The following FBXO39 variants were observed in gnomAD, a reference collection of about 807,000 sequenced individuals.
FBXO39 encodes F-box protein 39, also known as F-box only protein 39.
A neutral mutation model predicts 36.6 loss-of-function variants in FBXO39; 22 were observed. The ratio of observed to expected loss-of-function variants is 0.60; its 90% CI spans 0.43 to 0.86. The LOEUF (loss-of-function observed/expected upper bound fraction) is 0.86. Among genes scored for constraint, FBXO39 ranks in the 40% least tolerant of loss-of-function variants. The pLI, the probability that FBXO39 is intolerant of heterozygous loss-of-function variation, is 0.00. For synonymous variants in FBXO39, 206 were observed against 205.8 expected, an observed-to-expected ratio of 1.00 and a Z score of -0.01; for missense variants, 536 against 543.9, an observed-to-expected ratio of 0.99 and a Z score of 0.14.
chr17:6,780,485 A>G lies in FBXO39; in HGVS notation c.617A>G (p.His206Arg). Residue 206 changes from histidine (H) to arginine (R), a missense_variant, in exon 2 of 4, where the codon CAT (histidine) becomes CGT (arginine). Transcript: ENST00000321535. ...SELNIEDYFS[H>R]HLAVYNSPQF... ...CTCAACATCGAGGACTATTTCAGCC[A>G]TCACCTTGCTGTCTACAACAGCCCC... is the stretch of plus-strand genomic sequence containing the variant. 1 of 1,614,182 alleles carries G rather than the reference A, an allele frequency of 6.2e-7. No individual in the cohort carries two copies. The highest frequency in any genetic ancestry group is 8.5e-7 in the Non-Finnish European group (1 of 1,180,034).
At chr17:6,776,917 G>A (rs1031729948) in intron 1 of FBXO39, among the ~76,000 whole-genome samples, 1 of 151,896 alleles carries the variant, frequency 6.6e-6, no homozygotes. Flanking sequence ...GCCTCTGATG[G>A]GGTCTCGGGG....
intron 2 of FBXO39, 60 bp downstream of exon 2, chr17:6,780,951 C>A: frequency 6.7e-7 from 1 of 1,502,802 alleles, no homozygotes; most frequent in Non-Finnish European, 9.0e-7. Flanking sequence ...CAGAAGAAAG[C>A]CCACTGCTGC....
Position 6,780,882 on chromosome 17 carries a change from C to T in FBXO39, c.1014C>T (p.His338=), listed in dbSNP as rs1221424175. ...TLIDLLPTFR[H]TLQKLTCEFN... ...TAGATCTCCTGCCCACCTTCCGGCA[C>T]ACTCTGCAGGTAGGTAGGACTTGTG... The change falls in exon 2 of 4, where the codon CAC becomes CAT. Residue 338 remains histidine, a synonymous_variant. Coordinates refer to ENST00000321535, the MANE Select transcript of FBXO39 (RefSeq NM_153230.3). 1.2e-6 allele frequency: 2 copies of T among 1,610,896 alleles called. No homozygotes were observed. The highest frequency in any genetic ancestry group is 1.7e-6 in the Non-Finnish European group (2 of 1,179,574).
chr17:6,777,911 A>C (rs1597773519), intron 1 of FBXO39, among the ~76,000 whole-genome samples: 2 of 152,186 alleles, frequency 1.3e-5, no homozygotes, highest in Admixed American at 1.3e-4. Flanking sequence ...TGGCGGTGGG[A>C]AGGCCAGCTG....
intron 1 of FBXO39, among the ~76,000 whole-genome samples, chr17:6,777,771 G>A (rs1300945461): frequency 6.6e-6 from 1 of 152,210 alleles, no homozygotes; most frequent in Non-Finnish European, 1.5e-5. Flanking sequence ...TATACAAAGA[G>A]GGGCACTGGC....
At position 6,786,824 on chromosome 17, in the gene FBXO39, G is replaced by A; in HGVS notation, c.1068G>A (p.Glu356=). 1 of 1,612,658 alleles carries A rather than the reference G, an allele frequency of 6.2e-7. No individual in the cohort carries two copies. ...ACAACAACCATGAGTCACTCGACGA[G>A]GAGCTGCACCTCCTCATCATATCCT... ...EFNNNHESLD[E]ELHLLIISCR... is the part of the protein sequence containing the mutation. The change falls in exon 3 of 4, where the codon GAG becomes GAA. Residue 356 remains glutamate (E), a synonymous_variant. Coordinates refer to ENST00000321535, the MANE Select transcript of FBXO39 (RefSeq NM_153230.3).
chr17:6,778,583 G>A (rs1976462718), intron 1 of FBXO39, among the ~76,000 whole-genome samples: 2 of 152,132 alleles, frequency 1.3e-5, no homozygotes, highest in South Asian at 2.1e-4. Flanking sequence ...ACAATTTTAT[G>A]AGCCATGATC....
rs772690535 is a variant in FBXO39, at chr17:6,780,677, G to A, written c.809G>A (p.Gly270Asp). ...GACCCCCACGGACAGGTCATCTGGG[G>A]TATGTCCTGGGCCAAGCTGGCCAGG... ...VHDPHGQVIW[G>D]MSWAKLARQA... Residue 270 changes from glycine (G) to aspartate (D), a missense_variant, in exon 2 of 4, where the codon GGT becomes GAT. By Grantham distance (94) the Gly-to-Asp change is moderately conservative. Transcript: ENST00000321535. 3 of 1,614,148 alleles carry A rather than the reference G, an allele frequency of 1.9e-6. No homozygotes were observed. The South Asian group carries it at 3.3e-5, about 18-fold the overall frequency.
Position 6,784,929 on chromosome 17 carries a change from A to ATATATATATATGTGTG in FBXO39, c.1024-1850_1024-1849insATATATATATGTGTGT, listed in dbSNP as rs1491434533. 4.6e-4 allele frequency among the ~76,000 whole-genome samples: 62 copies of ATATATATATATGTGTG among 136,138 alleles called. 1 individual carries two copies. Among genetic ancestry groups the ATATATATATATGTGTG allele is most frequent in the African/African-American group, 1.6e-3 (51 of 32,372 alleles). The allele number at this position is 136,138 out of a possible 152,430, so 89.3% of individuals were successfully genotyped here. On this transcript the variant is annotated intron_variant, in intron 2 of 3. Transcript: ENST00000321535. The stretch of plus-strand genomic sequence containing the variant: ...AAGAATCTTAAATTTATATATATAT[A>ATATATATATATGTGTG]TGTGTGTGTGTGTGTGTGTGTGTGT...
Position 6,787,630 on chromosome 17 carries a change from G to A in FBXO39, c.*202G>A, listed in dbSNP as rs564000534. 3.6e-5 allele frequency: 17 copies of A among 478,700 alleles called. No individual in the cohort carries two copies. Among genetic ancestry groups the A allele is most frequent in the Non-Finnish European group, 5.5e-5 (15 of 270,436 alleles). 29.7% of individuals were successfully genotyped at this position (478,700 alleles called of 1,614,324 possible). A position where few individuals can be genotyped will look rare whatever the true frequency, so the allele number is the denominator to read the frequency against. ...TGAAGGCTCCAGGTGGCTTTAAAGC[G>A]CTATGTTTACCAACTATCCCGGTGT... On this transcript the variant is annotated 3_prime_UTR_variant, in exon 4 of 4. Transcript: ENST00000321535.
At chr17:6,785,332 T>C (rs1390184416) in intron 2 of FBXO39, among the ~76,000 whole-genome samples, 2 of 152,106 alleles carry the variant, frequency 1.3e-5, no homozygotes, top group African/African-American at 2.4e-5. Context: ...TTGCCATATA[T>C]GAAAATCAAA....
chr17:6,779,044 GGGGTT>G (rs1261436036), intron 1 of FBXO39, among the ~76,000 whole-genome samples: 1 of 152,040 alleles, frequency 6.6e-6, no homozygotes, highest in Non-Finnish European at 1.5e-5. Context: ...GACCTCAGCT[GGGGTT>G]TTCCACCCTG....
rs201661413 is a variant in FBXO39, at chr17:6,780,632, A to C, written c.764A>C (p.Asn255Thr). The C allele has an allele frequency of 2.4e-5, 39 of 1,614,048 alleles. No homozygotes were observed. In the East Asian group the frequency reaches 8.7e-4, roughly 36 times the overall value. The change falls in exon 2 of 4, where the codon AAC (asparagine) becomes ACC (threonine). Residue 255 changes from asparagine to threonine, a missense_variant. Asn to Thr is a moderately conservative substitution (Grantham distance 65). Transcript: ENST00000321535. ...AATGCCAGCACCCTCCGGACCATCA[A>C]CATCAAATGCCACGTTCATGACCCC... The part of the protein sequence containing the change: ...CENASTLRTI[N>T]IKCHVHDPHG...
At chr17:6,783,247 T>G (rs8081984) in intron 2 of FBXO39, among the ~76,000 whole-genome samples, 23,604 of 152,038 alleles carry the variant, frequency 0.16, 2,032 homozygotes, top group African/African-American at 0.18. Flanking sequence ...TACCAAAACC[T>G]GTGGGATACA....
intron 3 of FBXO39, 111 bp downstream of exon 3, chr17:6,787,067 A>G: frequency 7.3e-7 from 1 of 1,376,532 alleles, no homozygotes; most frequent in Non-Finnish European, 9.9e-7. Context: ...TCATCTGTTC[A>G]TTGAAAATCA....
chr17:6,787,312 A>C lies in FBXO39; in HGVS notation c.1213A>C (p.Thr405Pro). 1 of 1,613,932 alleles carries C rather than the reference A, an allele frequency of 6.2e-7. No homozygotes were observed. Among genetic ancestry groups the C allele is most frequent in the Non-Finnish European group, 8.5e-7 (1 of 1,179,916 alleles). ...TCTGTTGGCACAGGCGAGAATTTAT[A>C]CAAACAGATATGAGACGAATGAAGA... is the stretch of plus-strand genomic sequence containing the variant. Reference protein sequence around the residue: ...ALRVFKARIYTNRYETNEEDK... With the variant: ...ALRVFKARIYPNRYETNEEDK... The change falls in exon 4 of 4, where the codon ACA becomes CCA. Residue 405 changes from threonine (T) to proline (P), a missense_variant. Transcript: ENST00000321535.
chr17:6,779,486 G>T (rs1307674680), intron 1 of FBXO39, among the ~76,000 whole-genome samples: 4 of 152,194 alleles, frequency 2.6e-5, no homozygotes, highest in Admixed American at 6.5e-5. Context: ...CCTCTGAGCA[G>T]CCCTCTCTAC....
chr17:6,780,316 A>G lies in FBXO39; in HGVS notation c.448A>G (p.Ile150Val). The G allele has an allele frequency of 1.2e-6, 2 of 1,614,142 alleles. No homozygotes were observed. The highest frequency in any genetic ancestry group is 2.2e-5 in the South Asian group (2 of 91,086). ...VWRNSIRSSF[I>V]SSLSFFLKKM... ...GAGGAACAGCATCAGGAGCTCATTC[A>G]TCAGCAGCTTGAGCTTCTTCTTAAA... The change falls in exon 2 of 4, where the codon ATC (isoleucine) becomes GTC (valine). Residue 150 changes from isoleucine to valine, a missense_variant. Transcript: ENST00000321535.
intron 2 of FBXO39, among the ~76,000 whole-genome samples, chr17:6,782,017 AG>A (rs1447110779): frequency 6.6e-6 from 1 of 152,234 alleles, no homozygotes; most frequent in Admixed American, 6.5e-5. Context: ...TATCTTACGT[AG>A]AAAGACAAAC....
Sources: allele counts gnomAD v4.1 joint callset (sites outside exome capture counted in the v4.1 genomes callset), GRCh38; gene constraint gnomAD v4.1.1; transcripts MANE v1.5; gene names NCBI Gene and HGNC (gene_info 2026-07-23, HGNC 2026-07-21).